The following GABRR3 variants were observed in gnomAD, a reference collection of about 807,000 sequenced individuals.
GABRR3 encodes gamma-aminobutyric acid receptor subunit rho-3.
A neutral mutation model predicts 43.2 loss-of-function variants in GABRR3; 29 were observed. The observed-to-expected ratio is 0.67, with a 90% CI of 0.50 to 0.92. GABRR3 has a LOEUF of 0.92. Among genes scored for constraint, GABRR3 ranks in the 40% least tolerant of loss-of-function variants. The pLI is 0.00. For synonymous variants in GABRR3, 206 were observed against 195.9 expected, an observed-to-expected ratio of 1.05 and a Z score of -0.43; for missense variants, 576 against 572.3, an observed-to-expected ratio of 1.01 and a Z score of -0.07.
intron 5 of GABRR3, among the ~76,000 whole-genome samples, chr3:98,010,071 GACA>G (rs765905491): frequency 5.9e-5 from 9 of 152,142 alleles, no homozygotes; most frequent in African/African-American, 1.9e-4. Context: ...GAGCTGTGCT[GACA>G]ACAATTTTGA....
chr3:98,004,598 G>T (rs534317507), intron 7 of GABRR3, among the ~76,000 whole-genome samples: 1 of 151,156 alleles, frequency 6.6e-6, no homozygotes, highest in African/African-American at 2.4e-5. Flanking sequence ...GGATCAGGAG[G>T]CAGAAGCCCT....
intron 6 of GABRR3, 45 bp downstream of exon 6, chr3:98,008,911 G>A: frequency 9.2e-7 from 1 of 1,082,538 alleles, no homozygotes; most frequent in Non-Finnish European, 1.4e-6. Context: ...ATGTGATGGT[G>A]TGTTCAAATG....
intron 8 of GABRR3, among the ~76,000 whole-genome samples, chr3:97,995,974 C>T (rs1430715656): frequency 6.6e-6 from 1 of 152,164 alleles, no homozygotes; most frequent in Non-Finnish European, 1.5e-5. Flanking sequence ...TGATTCAATT[C>T]CCCTGGGCTC....
chr3:98,033,628 A>T (rs1055131008), intron 2 of GABRR3, among the ~76,000 whole-genome samples: 4 of 152,180 alleles, frequency 2.6e-5, no homozygotes, highest in African/African-American at 9.7e-5. Flanking sequence ...ATAATATTTT[A>T]AGCAGTGTCC....
intron 2 of GABRR3, among the ~76,000 whole-genome samples, chr3:98,026,609 T>TCATCATCATTAG (rs759401327): frequency 0.017 from 2,365 of 135,914 alleles, 46 homozygotes; most frequent in East Asian, 0.051. Context: ...GCTGTCATCA[T>TCATCATCATTAG]CATCATCATC....
At chr3:98,005,555 C>A (rs1207773654) in intron 7 of GABRR3, among the ~76,000 whole-genome samples, 2 of 151,972 alleles carry the variant, frequency 1.3e-5, no homozygotes, top group Admixed American at 1.3e-4. Context: ...TTTTCCATGC[C>A]AGTATTTTCC....
intron 9 of GABRR3, among the ~76,000 whole-genome samples, chr3:97,991,091 G>A (rs569784285): frequency 7.2e-5 from 11 of 152,312 alleles, no homozygotes; most frequent in Non-Finnish European, 4.4e-5. Flanking sequence ...ACGTTGTGTG[G>A]CAGGTGGGGG....
downstream of GABRR3, among the ~76,000 whole-genome samples, chr3:97,986,315 A>C (rs769053641): frequency 2.0e-5 from 3 of 152,236 alleles, no homozygotes; most frequent in Non-Finnish European, 4.4e-5. Context: ...ATAACCAGGC[A>C]CTTGGCTGGC....
At chr3:98,003,809 A>G (rs1029537176) in intron 7 of GABRR3, among the ~76,000 whole-genome samples, 2 of 152,236 alleles carry the variant, frequency 1.3e-5, no homozygotes, top group South Asian at 4.2e-4. Context: ...AACCCAAGCC[A>G]GTAGCCCCTT....
rs1707058918 is a variant in GABRR3 at position 98,029,366 on chromosome 3, A to G, written c.126-3687T>C. ...TGTAATTGTGTGACAAAGAAAGCAG[A>G]GGTCTGGGAGGAGGGAAAGGCTTGA... On this transcript the variant is annotated intron_variant, in intron 2 of 9. Coordinates refer to ENST00000621172, the Ensembl canonical transcript of GABRR3. 3.3e-5 allele frequency among the ~76,000 whole-genome samples: 5 copies of G among 152,140 alleles called. No individual in the cohort carries two copies. In the South Asian group the frequency reaches 1.0e-3, roughly 32 times the overall value.
chr3:97,993,491 G>A (rs879377404), intron 8 of GABRR3, among the ~76,000 whole-genome samples: 2 of 151,896 alleles, frequency 1.3e-5, no homozygotes, highest in Non-Finnish European at 1.5e-5. Context: ...ATGCTTCCGG[G>A]GAGCTTATTT....
At chr3:97,993,518 T>G (rs1331181423) in intron 8 of GABRR3, among the ~76,000 whole-genome samples, 2 of 152,212 alleles carry the variant, frequency 1.3e-5, no homozygotes, top group Non-Finnish European at 2.9e-5. Flanking sequence ...GAAAGATCTT[T>G]AGTAGCATTC....
At chr3:98,014,527 C>T (rs1320822073) in intron 4 of GABRR3, among the ~76,000 whole-genome samples, 1 of 152,128 alleles carries the variant, frequency 6.6e-6, no homozygotes, top group Non-Finnish European at 1.5e-5. Flanking sequence ...TTTTGAGTAG[C>T]GAGTCCTATT....
At chr3:98,007,726 A>G (rs1339217043) in intron 7 of GABRR3, 38 bp downstream of exon 7, 4 of 1,610,284 alleles carry the variant, frequency 2.5e-6, no homozygotes, top group African/African-American at 1.3e-5. Context: ...GTAGATGTCC[A>G]ATAAATGCTG....
chr3:97,996,904 C>T (rs995295044), intron 8 of GABRR3, among the ~76,000 whole-genome samples: 1 of 152,126 alleles, frequency 6.6e-6, no homozygotes, highest in African/African-American at 2.4e-5. Context: ...AATGAATCAT[C>T]CTTTATCATT....
intron 8 of GABRR3, chr3:98,001,310 GAA>G (rs1468343013): frequency 3.4e-6 from 1 of 295,364 alleles, no homozygotes; most frequent in East Asian, 5.9e-5. Context: ...TCTTAAAAAA[GAA>G]AAGAGATAAG....
intron 7 of GABRR3, among the ~76,000 whole-genome samples, chr3:98,006,023 A>G (rs956463681): frequency 6.6e-6 from 1 of 152,134 alleles, no homozygotes; most frequent in African/African-American, 2.4e-5. Flanking sequence ...TTATTTAAAT[A>G]TTAATTTAAT....
At chr3:98,013,911 C>A (rs564833572) in intron 4 of GABRR3, among the ~76,000 whole-genome samples, 6 of 152,298 alleles carry the variant, frequency 3.9e-5, no homozygotes, top group Non-Finnish European at 7.4e-5. Flanking sequence ...GACGTTGGTG[C>A]ATGTCTGTGA....
chr3:98,006,256 A>G (rs1264189056), intron 7 of GABRR3, among the ~76,000 whole-genome samples: 1 of 152,236 alleles, frequency 6.6e-6, no homozygotes, highest in African/African-American at 2.4e-5. Flanking sequence ...TCATTCAATA[A>G]TTAGCCTTTG....
Sources: allele counts gnomAD v4.1 joint callset (sites outside exome capture counted in the v4.1 genomes callset), GRCh38; gene constraint gnomAD v4.1.1; transcripts MANE v1.5; gene names NCBI Gene and HGNC (gene_info 2026-07-23, HGNC 2026-07-21).